SERGEF: variants seen among roughly 807,000 people sequenced by gnomAD.
SERGEF encodes the protein secretion regulating guanine nucleotide exchange factor.
A neutral mutation model predicts 50.0 loss-of-function variants in SERGEF; 51 were observed. The ratio of observed to expected loss-of-function variants is 1.02; its 90% CI spans 0.81 to 1.29. SERGEF has a LOEUF of 1.29. Ranked by LOEUF, SERGEF falls within the 50% of genes most tolerant of loss-of-function variation. The pLI is 0.00. For synonymous variants in SERGEF, 205 were observed against 212.4 expected (o/e 0.97, Z 0.30); for missense variants, 521 against 557.0 (o/e 0.94, Z 0.65).
intron 10 of SERGEF, among the ~76,000 whole-genome samples, chr11:17,804,535 C>T (rs548427579): frequency 1.2e-3 from 178 of 150,038 alleles, no homozygotes; most frequent in African/African-American, 4.2e-3. Context: ...TCCTTCTTTA[C>T]GCCAAGTATT....
At chr11:17,796,676 T>C (rs1228360846) in intron 10 of SERGEF, among the ~76,000 whole-genome samples, 1 of 152,184 alleles carries the variant, frequency 6.6e-6, no homozygotes, top group African/African-American at 2.4e-5. Flanking sequence ...TGGTATTCTG[T>C]TATAGCAGCA....
At chr11:17,971,251 C>T (rs1358256290) in intron 8 of SERGEF, among the ~76,000 whole-genome samples, 1 of 152,042 alleles carries the variant, frequency 6.6e-6, no homozygotes, top group Non-Finnish European at 1.5e-5. Flanking sequence ...CAAGGTGAAG[C>T]AGCAAGTGCT....
At chr11:17,976,446 G>A (rs1853375544) in intron 8 of SERGEF, among the ~76,000 whole-genome samples, 4 of 140,748 alleles carry the variant, frequency 2.8e-5, no homozygotes, top group South Asian at 2.4e-4. Context: ...CCACCACCTC[G>A]GCTAATTTTC....
chr11:17,823,349 T>C (rs1401944572), intron 10 of SERGEF, among the ~76,000 whole-genome samples: 1 of 152,184 alleles, frequency 6.6e-6, no homozygotes, highest in East Asian at 1.9e-4. Flanking sequence ...GGCAAGGTAG[T>C]GTTTGCCAGG....
chr11:17,837,905 T>C (rs1850432091), intron 10 of SERGEF, among the ~76,000 whole-genome samples: 1 of 152,098 alleles, frequency 6.6e-6, no homozygotes, highest in South Asian at 2.1e-4. Flanking sequence ...GACCTTGTGA[T>C]TCACCCGCCT....
At chr11:17,808,424 G>C (rs1279666007) in intron 10 of SERGEF, among the ~76,000 whole-genome samples, 2 of 152,160 alleles carry the variant, frequency 1.3e-5, no homozygotes, top group Non-Finnish European at 2.9e-5. Context: ...CGAGCAGGGG[G>C]AAGTGCCATG....
chr11:17,977,479 AATAAAT>A (rs1350729903), intron 8 of SERGEF, among the ~76,000 whole-genome samples: 1 of 152,182 alleles, frequency 6.6e-6, no homozygotes, highest in Non-Finnish European at 1.5e-5. Context: ...AACCTGCTCC[AATAAAT>A]ACCTGCCCTT....
At chr11:17,967,081 T>C (rs1407535025) in intron 8 of SERGEF, among the ~76,000 whole-genome samples, 3 of 152,222 alleles carry the variant, frequency 2.0e-5, no homozygotes, top group African/African-American at 7.2e-5. Context: ...AAACTCTTCA[T>C]ATGGATTATC....
chr11:17,827,627 T>G (rs527728541), intron 10 of SERGEF, among the ~76,000 whole-genome samples: 1 of 152,214 alleles, frequency 6.6e-6, no homozygotes, highest in African/African-American at 2.4e-5. Flanking sequence ...CCTCCTACTC[T>G]TCAGTTACCT....
chr11:17,821,761 A>G (rs1265352577), intron 10 of SERGEF, among the ~76,000 whole-genome samples: 3 of 152,338 alleles, frequency 2.0e-5, no homozygotes, highest in East Asian at 3.9e-4. Flanking sequence ...CAGTTCTTAC[A>G]TTGCACTCTA....
intron 5 of SERGEF, among the ~76,000 whole-genome samples, chr11:17,996,213 T>C (rs943078437): frequency 6.6e-6 from 1 of 152,118 alleles, no homozygotes; most frequent in Non-Finnish European, 1.5e-5. Context: ...ACCTTATTCA[T>C]GATTAACCTG....
chr11:17,987,220 T>C (rs1853618659), intron 8 of SERGEF, among the ~76,000 whole-genome samples: 1 of 152,236 alleles, frequency 6.6e-6, no homozygotes, highest in Admixed American at 6.5e-5. Flanking sequence ...AAATCCTAGC[T>C]ATCTACCCTG....
chr11:17,922,542 C>T (rs886279596), intron 9 of SERGEF, among the ~76,000 whole-genome samples: 3 of 152,064 alleles, frequency 2.0e-5, no homozygotes, highest in African/African-American at 4.8e-5. Flanking sequence ...ACTTTTTGCT[C>T]CTTGGGTGGC....
chr11:18,011,052 G>A (rs1477594827), intron 1 of SERGEF, among the ~76,000 whole-genome samples: 1 of 151,992 alleles, frequency 6.6e-6, no homozygotes, highest in Non-Finnish European at 1.5e-5. Flanking sequence ...AAGACGAAGG[G>A]AAATTTAACA....
At chr11:17,910,328 A>G (rs1851928301) in intron 9 of SERGEF, among the ~76,000 whole-genome samples, 2 of 152,132 alleles carry the variant, frequency 1.3e-5, no homozygotes, top group East Asian at 1.9e-4. Context: ...AGCTCACTGT[A>G]ACCTCAAACT....
intron 8 of SERGEF, among the ~76,000 whole-genome samples, chr11:17,981,717 C>A (rs112308706): frequency 6.6e-6 from 1 of 152,312 alleles, no homozygotes; most frequent in African/African-American, 2.4e-5. Context: ...AACCATTTCC[C>A]AGTTTCTACT....
intron 9 of SERGEF, among the ~76,000 whole-genome samples, chr11:17,895,103 A>G (rs1214579337): frequency 1.3e-5 from 2 of 152,196 alleles, no homozygotes; most frequent in African/African-American, 4.8e-5. Context: ...GCAGCTGCAC[A>G]GCAGAGCTTG....
In SERGEF at chr11:17,851,745, A is replaced by G. The variant is rs1850718419; in HGVS notation, c.1048+26463T>C. On this transcript the variant is annotated intron_variant, in intron 10 of 10. Transcript: ENST00000265965. The stretch of plus-strand genomic sequence containing the variant: ...TAGAGTAAAACACTTGCATTCATGC[A>G]TTATTGCAGATTTTTAAGCTGATGT... Among the ~76,000 whole-genome samples the G allele has an allele frequency of 2.0e-5, 3 of 152,232 alleles. No individual in the cohort carries two copies. The South Asian group carries it at 6.2e-4, about 32-fold the overall frequency.
At chr11:18,012,254 G>C (rs188839783) in intron 1 of SERGEF, among the ~76,000 whole-genome samples, 23 of 152,304 alleles carry the variant, frequency 1.5e-4, no homozygotes, top group African/African-American at 5.5e-4. Context: ...TGTGATACGT[G>C]CTATGAAGAA....
Sources: gnomAD v4.1 joint callset for allele counts (sites outside exome capture counted in the v4.1 genomes callset) on GRCh38, gnomAD v4.1.1 for gene constraint, MANE v1.5 for transcripts, NCBI Gene and HGNC (gene_info 2026-07-23, HGNC 2026-07-21) for gene names.